DPF3: variants seen among roughly 807,000 people sequenced by gnomAD.
The protein encoded by DPF3 is double PHD fingers 3, also known as zinc finger protein DPF3.
DPF3 carries 18 observed loss-of-function variants against 56.8 expected under a neutral mutation model. The observed-to-expected ratio is 0.32, with a 90% CI of 0.22 to 0.47. The LOEUF (loss-of-function observed/expected upper bound fraction) is 0.47. Among genes scored for constraint, DPF3 ranks in the 20% least tolerant of loss-of-function variants. DPF3 has a pLI of 1.00. For synonymous variants in DPF3, 188 were observed against 180.2 expected (o/e 1.04, Z -0.35); for missense variants, 403 against 488.8 (o/e 0.82, Z 1.65).
intron 1 of DPF3, among the ~76,000 whole-genome samples, chr14:72,815,711 C>T (rs7142642): frequency 9.9e-5 from 15 of 152,020 alleles, no homozygotes; most frequent in African/African-American, 3.6e-4. Context: ...CAAATTACTA[C>T]AAACTCAGTA....
chr14:72,729,694 G>A (rs1032908681), intron 4 of DPF3, among the ~76,000 whole-genome samples: 1 of 152,192 alleles, frequency 6.6e-6, no homozygotes, highest in South Asian at 2.1e-4. Flanking sequence ...CATACTGTGA[G>A]TCCAAGTATA....
chr14:72,723,878 T>G (rs371868473), intron 4 of DPF3, 150 bp from the exon 5 acceptor site: 1 of 709,852 alleles, frequency 1.4e-6, no homozygotes, highest in Non-Finnish European at 2.3e-6. Context: ...CCCTCTGAAA[T>G]GCTGTCTGGA....
intron 5 of DPF3, 88 bp from the exon 6 acceptor site, chr14:72,714,589 C>T: frequency 6.8e-7 from 1 of 1,475,666 alleles, no homozygotes; most frequent in African/African-American, 1.4e-5. Context: ...CTTACACCGT[C>T]TTCATCCCAA....
chr14:72,813,689 A>G (rs1883162100), intron 1 of DPF3, among the ~76,000 whole-genome samples: 1 of 152,236 alleles, frequency 6.6e-6, no homozygotes, highest in Non-Finnish European at 1.5e-5. Flanking sequence ...CCTGCTCACT[A>G]GCGGCTGACC....
At chr14:72,691,059 G>A (rs555487521) in intron 7 of DPF3, among the ~76,000 whole-genome samples, 13 of 152,290 alleles carry the variant, frequency 8.5e-5, no homozygotes, top group African/African-American at 2.4e-4. Context: ...CTGGACCAAG[G>A]AAAGCTCTTC....
At position 72,617,061 on chromosome 14, in the gene DPF3, T is replaced by A. The variant is rs1311133080; in HGVS notation, c.*2236A>T. The stretch of plus-strand genomic sequence containing the variant: ...CCTCACCAGTGCAGGCAAGTTCCAG[T>A]GCCCTGCCTTGGCCTGGGAGACCCA... On this transcript the variant is annotated 3_prime_UTR_variant, in exon 11 of 11. Transcript: ENST00000556509. 6.6e-6 allele frequency among the ~76,000 whole-genome samples: 1 copy of A among 152,184 alleles called. No individual in the cohort carries two copies. Among genetic ancestry groups the A allele is most frequent in the African/African-American group, 2.4e-5 (1 of 41,454 alleles).
chr14:72,690,156 T>C (rs564273791), intron 7 of DPF3, among the ~76,000 whole-genome samples: 1 of 152,126 alleles, frequency 6.6e-6, no homozygotes, highest in South Asian at 2.1e-4. Flanking sequence ...ACCCATGAAA[T>C]TTCGTAGGCA....
At chr14:72,804,157 C>G (rs929115647) in intron 1 of DPF3, among the ~76,000 whole-genome samples, 1 of 150,128 alleles carries the variant, frequency 6.7e-6, no homozygotes, top group Admixed American at 6.6e-5. Context: ...AAAAATAACT[C>G]AAGATCCAGC....
chr14:72,856,833 G>A (rs920007405), intron 1 of DPF3, among the ~76,000 whole-genome samples: 9 of 152,154 alleles, frequency 5.9e-5, no homozygotes, highest in East Asian at 1.9e-4. Context: ...AGTCCAGCGC[G>A]GCCCCTGTGC....
At chr14:72,712,511 A>G (rs1335725115) in intron 6 of DPF3, among the ~76,000 whole-genome samples, 1 of 152,194 alleles carries the variant, frequency 6.6e-6, no homozygotes, top group Non-Finnish European at 1.5e-5. Context: ...AGCTGCAGAG[A>G]TAGAGCAAAA....
chr14:72,729,996 A>G (rs1889573004), intron 4 of DPF3, among the ~76,000 whole-genome samples: 1 of 152,168 alleles, frequency 6.6e-6, no homozygotes, highest in Admixed American at 6.5e-5. Context: ...GATGTTGATC[A>G]TGGGGGAGGC....
In DPF3 at chr14:72,884,940, CTATATATATATATATA is replaced by C. The variant is rs773450437; in HGVS notation, c.32+9101_32+9116del. ...TGAAACCCCGTCTCTACTAAAAATA[CTATATATATATATATA>C]TATATATATATATATTAGCCGGGCG... is the stretch of plus-strand genomic sequence containing the variant. On this transcript the variant is annotated intron_variant, in intron 1 of 10. Coordinates refer to ENST00000556509, the MANE Select transcript of DPF3 (RefSeq NM_001280542.3). 2.6e-3 allele frequency among the ~76,000 whole-genome samples: 76 copies of C among 29,620 alleles called. 7 individuals are homozygous for C. Among genetic ancestry groups the C allele is most frequent in the East Asian group, 0.012 (5 of 424 alleles). The allele number at this position is 29,620 out of a possible 152,430, so 19.4% of individuals were successfully genotyped here.
chr14:72,714,206 A>G (rs2153575676), intron 6 of DPF3, among the ~76,000 whole-genome samples: 1 of 152,340 alleles, frequency 6.6e-6, no homozygotes, highest in East Asian at 1.9e-4. Context: ...GGGCCACCCC[A>G]GCTGGCTTCC....
intron 3 of DPF3, among the ~76,000 whole-genome samples, chr14:72,734,335 G>A (rs1274594732): frequency 6.6e-6 from 1 of 152,184 alleles, no homozygotes; most frequent in Non-Finnish European, 1.5e-5. Context: ...TTTAAGGAGA[G>A]TGTCAGACAA....
intron 1 of DPF3, among the ~76,000 whole-genome samples, chr14:72,837,335 G>C (rs1269661580): frequency 6.6e-6 from 1 of 152,186 alleles, no homozygotes; most frequent in African/African-American, 2.4e-5. Flanking sequence ...TTCCAGCCAT[G>C]GATCTATAGG....
chr14:72,881,448 C>CA (rs1886320828), intron 1 of DPF3, among the ~76,000 whole-genome samples: 1 of 152,068 alleles, frequency 6.6e-6, no homozygotes, highest in Non-Finnish European at 1.5e-5. Context: ...AAGGCCAACA[C>CA]TGGGTATTCT....
intron 1 of DPF3, among the ~76,000 whole-genome samples, chr14:72,885,397 T>TG (rs1567270988): frequency 6.6e-6 from 1 of 151,462 alleles, no homozygotes; most frequent in Non-Finnish European, 1.5e-5. Context: ...TTTGTTTGTT[T>TG]GTTTGTTTGT....
chr14:72,892,119 G>C, intron 1 of DPF3: 1 of 1,524,764 alleles, frequency 6.6e-7, no homozygotes. Flanking sequence ...GGGTAACTAG[G>C]GTACGGCTTT....
intron 1 of DPF3, among the ~76,000 whole-genome samples, chr14:72,842,691 G>A (rs1161730992): frequency 7.9e-5 from 12 of 152,148 alleles, no homozygotes; most frequent in Non-Finnish European, 1.8e-4. Context: ...TTATACTTCA[G>A]TTTTTAAAAC....
Sources: gnomAD v4.1 joint callset for allele counts (sites outside exome capture counted in the v4.1 genomes callset) on GRCh38, gnomAD v4.1.1 for gene constraint, MANE v1.5 for transcripts, NCBI Gene and HGNC (gene_info 2026-07-23, HGNC 2026-07-21) for gene names.